Variants in ANO3 observed in about 807,000 individuals in gnomAD.
The protein encoded by ANO3 is anoctamin-3.
In ANO3, 99 loss-of-function variants were observed where a neutral mutation model predicts 144.8. That is an observed-to-expected ratio of 0.68 (90% CI 0.58 to 0.81). The LOEUF (loss-of-function observed/expected upper bound fraction) is 0.81, where lower values mean the gene tolerates loss of function less well. ANO3 is among the 30% of genes least tolerant of loss of function. The pLI is 0.00. For missense variants in ANO3, 905 were observed against 1,202.2 expected, an observed-to-expected ratio of 0.75 and a Z score of 3.66; for synonymous variants, 414 against 392.6, an observed-to-expected ratio of 1.05 and a Z score of -0.64.
intron 1 of ANO3, among the ~76,000 whole-genome samples, chr11:26,207,743 T>A (rs938151519): frequency 1.1e-5 from 1 of 87,682 alleles, no homozygotes; most frequent in Non-Finnish European, 3.0e-5. Context: ...AAACTGACCG[T>A]AGTACATTTT....
At chr11:26,243,747 G>GT (rs1240445013) in intron 1 of ANO3, among the ~76,000 whole-genome samples, 3 of 152,048 alleles carry the variant, frequency 2.0e-5, no homozygotes, top group Non-Finnish European at 4.4e-5. Context: ...GCTTCTTTGG[G>GT]TTTTTTAATA....
intron 1 of ANO3, among the ~76,000 whole-genome samples, chr11:26,298,460 A>G (rs1854143435): frequency 6.6e-6 from 1 of 152,214 alleles, no homozygotes; most frequent in Non-Finnish European, 1.5e-5. Flanking sequence ...ATAACTGTTC[A>G]CTGAAAGACT....
intron 1 of ANO3, among the ~76,000 whole-genome samples, chr11:26,230,622 C>T (rs1852369790): frequency 6.6e-6 from 1 of 151,364 alleles, no homozygotes; most frequent in Admixed American, 6.6e-5. Context: ...CATGGTGAAA[C>T]CCCGTCTCTA....
chr11:26,390,653 C>T (rs2133961743), intron 1 of ANO3, among the ~76,000 whole-genome samples: 1 of 152,124 alleles, frequency 6.6e-6, no homozygotes, highest in South Asian at 2.1e-4. Flanking sequence ...CTCACAGCTA[C>T]ATAGTTTAAA....
chr11:26,442,800 T>C (rs753624263), intron 2 of ANO3, among the ~76,000 whole-genome samples: 2 of 152,176 alleles, frequency 1.3e-5, no homozygotes, highest in Non-Finnish European at 2.9e-5. Flanking sequence ...GGAGTCTTGC[T>C]CTGTCGCCCA....
intron 1 of ANO3, among the ~76,000 whole-genome samples, chr11:26,438,610 A>ACAAAAAAAAAAAAAAAAAAAAAAAAAAG (rs1491295176): frequency 1.4e-5 from 1 of 73,848 alleles, no homozygotes; most frequent in Non-Finnish European, 2.5e-5. Flanking sequence ...AAAAAAAAAG[A>ACAAAAAAAAAAAAAAAAAAAAAAAAAAG]AAAAAAAAAA....
rs1853905453 is a variant in ANO3, at chr11:26,662,372, T to A, written c.*1928T>A. The stretch of plus-strand genomic sequence containing the variant: ...ACTAATTCCACTAAGTACAAGGGAG[T>A]TTTTTACACTCCTCCATTTTTATAG... On this transcript the variant is annotated 3_prime_UTR_variant, in exon 27 of 27. Transcript: ENST00000256737. 1 of 151,424 alleles carries A rather than the reference T, an allele frequency of 6.6e-6. No homozygotes were observed. Among genetic ancestry groups the A allele is most frequent in the South Asian group, 2.1e-4 (1 of 4,774 alleles). 9.4% of individuals were successfully genotyped at this position (151,424 alleles called of 1,614,324 possible). A position where few individuals can be genotyped will look rare whatever the true frequency, so the allele number is the denominator to read the frequency against.
chr11:26,577,050 A>G (rs1231939288), intron 14 of ANO3, among the ~76,000 whole-genome samples: 4 of 152,118 alleles, frequency 2.6e-5, no homozygotes, highest in Non-Finnish European at 5.9e-5. Flanking sequence ...GGCCACATTT[A>G]TATGATTGTG....
At chr11:26,345,249 T>C (rs1258051807) in intron 1 of ANO3, among the ~76,000 whole-genome samples, 2 of 152,134 alleles carry the variant, frequency 1.3e-5, no homozygotes, top group African/African-American at 2.4e-5. Flanking sequence ...TATCCCTTCC[T>C]TCAACCAAGA....
chr11:26,361,508 T>C (rs981703255), intron 1 of ANO3, among the ~76,000 whole-genome samples: 12 of 152,192 alleles, frequency 7.9e-5, no homozygotes, highest in African/African-American at 2.7e-4. Flanking sequence ...CTGTTTATGC[T>C]TCCCTCTTAT....
chr11:26,588,104 G>C (rs1331436922), intron 14 of ANO3, among the ~76,000 whole-genome samples: 1 of 152,056 alleles, frequency 6.6e-6, no homozygotes, highest in African/African-American at 2.4e-5. Flanking sequence ...TCTAAGAACA[G>C]TATGGTCACT....
At chr11:26,200,996 A>G (rs1851682182) in intron 1 of ANO3, among the ~76,000 whole-genome samples, 1 of 152,082 alleles carries the variant, frequency 6.6e-6, no homozygotes, top group Non-Finnish European at 1.5e-5. Flanking sequence ...ATTTACTTAC[A>G]TTTAGAGAGT....
At chr11:26,634,540 T>C (rs1031892368) in intron 19 of ANO3, among the ~76,000 whole-genome samples, 2 of 152,210 alleles carry the variant, frequency 1.3e-5, no homozygotes, top group African/African-American at 4.8e-5. Context: ...CCTTGGGTTA[T>C]AATTCCTTAA....
intron 1 of ANO3, among the ~76,000 whole-genome samples, chr11:26,348,206 T>G (rs985108054): frequency 3.3e-5 from 5 of 152,072 alleles, no homozygotes; most frequent in Non-Finnish European, 7.3e-5. Flanking sequence ...ATATTATGCC[T>G]TAAATTCTTT....
At chr11:26,562,251 A>G (rs1031270675) in intron 14 of ANO3, among the ~76,000 whole-genome samples, 2 of 151,956 alleles carry the variant, frequency 1.3e-5, no homozygotes, top group Non-Finnish European at 2.9e-5. Flanking sequence ...ACCCATAATC[A>G]GAATTCAGTT....
At chr11:26,523,952 A>T (rs1293456353) in intron 6 of ANO3, among the ~76,000 whole-genome samples, 2 of 152,186 alleles carry the variant, frequency 1.3e-5, no homozygotes, top group Non-Finnish European at 1.5e-5. Context: ...GATTTATTTG[A>T]TGCTGGAAAT....
At chr11:26,225,083 G>C (rs568467014) in intron 1 of ANO3, among the ~76,000 whole-genome samples, 2 of 152,222 alleles carry the variant, frequency 1.3e-5, no homozygotes, top group South Asian at 2.1e-4. Context: ...TCCTTAGAGA[G>C]CCATCTTAAA....
chr11:26,323,851 C>A (rs1854820535), intron 1 of ANO3, among the ~76,000 whole-genome samples: 1 of 151,206 alleles, frequency 6.6e-6, no homozygotes, highest in Admixed American at 6.6e-5. Flanking sequence ...GATAATAATA[C>A]CCTTTGTGAC....
intron 11 of ANO3, among the ~76,000 whole-genome samples, chr11:26,546,254 A>G (rs957924889): frequency 3.3e-5 from 5 of 151,928 alleles, no homozygotes; most frequent in African/African-American, 9.7e-5. Context: ...TGAATGTTCT[A>G]TTGATCTGGG....
Sources: allele counts gnomAD v4.1 joint callset (sites outside exome capture counted in the v4.1 genomes callset), GRCh38; gene constraint gnomAD v4.1.1; transcripts MANE v1.5; gene names NCBI Gene and HGNC (gene_info 2026-07-23, HGNC 2026-07-21).